The following NTM variants were observed in gnomAD, a reference collection of about 807,000 sequenced individuals.
NTM encodes the protein IgLON family member 2.
A neutral mutation model predicts 42.1 loss-of-function variants in NTM; 13 were observed. That is an observed-to-expected ratio of 0.31 (90% confidence interval 0.20 to 0.49). The LOEUF is 0.49. Ranked by LOEUF, NTM falls within the 20% of genes least tolerant of loss-of-function variation. NTM has a pLI of 0.99. For synonymous variants in NTM, 187 were observed against 179.2 expected, an observed-to-expected ratio of 1.04 and a Z score of -0.35; for missense variants, 373 against 452.8, an observed-to-expected ratio of 0.82 and a Z score of 1.60.
chr11:131,657,188 G>T (rs113817110), intron 1 of NTM, among the ~76,000 whole-genome samples: 474 of 152,114 alleles, frequency 3.1e-3, no homozygotes, highest in African/African-American at 0.011. Flanking sequence ...CAGGTGAGGG[G>T]ACCCTTGAGT....
In NTM at chr11:132,134,749, A is replaced by ATCTC. The variant is rs1289812194; in HGVS notation, c.168-11532_168-11531insCTCT. Among the ~76,000 whole-genome samples, 329 of 106,928 alleles carry ATCTC rather than the reference A, an allele frequency of 3.1e-3. 16 individuals carry two copies. Among genetic ancestry groups the ATCTC allele is most frequent in the African/African-American group, 0.011 (303 of 27,228 alleles). 70.1% of individuals were successfully genotyped at this position (106,928 alleles called of 152,430 possible). A position where few individuals can be genotyped will look rare whatever the true frequency, so the allele number is the denominator to read the frequency against. On this transcript the variant is annotated intron_variant, in intron 2 of 8. Coordinates refer to ENST00000683400, the MANE Select transcript of NTM (RefSeq NM_001352005.2). ...TATATATATATATATATATATATAT[A>ATCTC]TATATATATATCTCACATTTTCTTT...
intron 2 of NTM, among the ~76,000 whole-genome samples, chr11:132,064,659 G>A (rs1212044470): frequency 1.3e-5 from 2 of 152,122 alleles, no homozygotes; most frequent in Non-Finnish European, 2.9e-5. Flanking sequence ...ACACAGTGCA[G>A]GAAACAAACC....
intron 1 of NTM, among the ~76,000 whole-genome samples, chr11:131,603,153 C>T (rs1440215329): frequency 6.6e-6 from 1 of 152,080 alleles, no homozygotes; most frequent in Non-Finnish European, 1.5e-5. Context: ...GACCCTAAGC[C>T]CTGCACCTGT....
At chr11:131,888,555 T>C (rs1371352332) in intron 1 of NTM, among the ~76,000 whole-genome samples, 1 of 152,052 alleles carries the variant, frequency 6.6e-6, no homozygotes, top group Admixed American at 6.5e-5. Context: ...AGGTCTCTTG[T>C]GGTACCTGCC....
At chr11:131,567,156 G>T (rs1401838127) in intron 1 of NTM, among the ~76,000 whole-genome samples, 1 of 152,020 alleles carries the variant, frequency 6.6e-6, no homozygotes, top group Non-Finnish European at 1.5e-5. Context: ...GTGGGGGACT[G>T]GGGAAGAGAG....
At chr11:132,036,361 G>A (rs1355341233) in intron 2 of NTM, among the ~76,000 whole-genome samples, 1 of 152,064 alleles carries the variant, frequency 6.6e-6, no homozygotes, top group African/African-American at 2.4e-5. Context: ...GGGGAAATTG[G>A]GTGTAAGGAA....
chr11:132,086,693 G>T (rs931773243), intron 2 of NTM, among the ~76,000 whole-genome samples: 1 of 152,196 alleles, frequency 6.6e-6, no homozygotes, highest in Admixed American at 6.5e-5. Context: ...AAACTTTACA[G>T]TAAATATAAA....
intron 1 of NTM, among the ~76,000 whole-genome samples, chr11:131,790,440 A>G (rs1476520939): frequency 6.6e-6 from 1 of 152,208 alleles, no homozygotes; most frequent in Non-Finnish European, 1.5e-5. Flanking sequence ...GGGGAGATAA[A>G]GTGGTCTCTT....
At chr11:131,969,877 C>T (rs1047715374) in intron 2 of NTM, among the ~76,000 whole-genome samples, 1 of 152,156 alleles carries the variant, frequency 6.6e-6, no homozygotes, top group African/African-American at 2.4e-5. Context: ...AGTGCAGTGG[C>T]ACCATCGTGG....
chr11:132,205,443 ATTATC>A (rs1166803950), intron 3 of NTM, among the ~76,000 whole-genome samples: 2 of 152,214 alleles, frequency 1.3e-5, no homozygotes, highest in African/African-American at 2.4e-5. Context: ...TGTTTTAATA[ATTATC>A]TTATTTAATT....
intron 1 of NTM, among the ~76,000 whole-genome samples, chr11:131,615,205 G>T (rs1379413383): frequency 6.6e-6 from 1 of 152,180 alleles, no homozygotes; most frequent in Non-Finnish European, 1.5e-5. Context: ...ACATAACACA[G>T]TCTGGGACTA....
At chr11:131,788,675 G>A (rs961912406) in intron 1 of NTM, among the ~76,000 whole-genome samples, 1 of 152,108 alleles carries the variant, frequency 6.6e-6, no homozygotes, top group East Asian at 1.9e-4. Flanking sequence ...CTCATTAGAT[G>A]TAATATTTGG....
chr11:131,776,126 G>A (rs1263833674), intron 1 of NTM, among the ~76,000 whole-genome samples: 1 of 152,124 alleles, frequency 6.6e-6, no homozygotes, highest in Non-Finnish European at 1.5e-5. Flanking sequence ...AATCCTGTGT[G>A]GAAGCTCCAC....
intron 1 of NTM, among the ~76,000 whole-genome samples, chr11:131,637,674 C>G (rs1369189871): frequency 1.3e-5 from 2 of 151,848 alleles, no homozygotes; most frequent in Non-Finnish European, 2.9e-5. Context: ...CGTTCCTCAC[C>G]ACCAACCGTC....
At chr11:131,815,633 C>T (rs144322690) in intron 1 of NTM, among the ~76,000 whole-genome samples, 2 of 152,270 alleles carry the variant, frequency 1.3e-5, no homozygotes, top group South Asian at 2.1e-4. Flanking sequence ...CCACTTCCCC[C>T]CTCCTGCTGC....
intron 3 of NTM, among the ~76,000 whole-genome samples, chr11:132,207,907 A>G (rs2082228059): frequency 6.6e-6 from 1 of 152,180 alleles, no homozygotes; most frequent in Non-Finnish European, 1.5e-5. Context: ...GTCACCATAC[A>G]TTAGAATATT....
chr11:131,914,408 C>T (rs955778673), intron 2 of NTM, among the ~76,000 whole-genome samples: 2 of 152,054 alleles, frequency 1.3e-5, no homozygotes, highest in African/African-American at 2.4e-5. Flanking sequence ...CCTGGAGGGC[C>T]GCCATATCCA....
chr11:131,998,183 C>T (rs1385738564), intron 2 of NTM, among the ~76,000 whole-genome samples: 2 of 152,154 alleles, frequency 1.3e-5, no homozygotes, highest in Non-Finnish European at 2.9e-5. Context: ...TAAAAGCCTC[C>T]AATTGCACTG....
chr11:131,629,296 G>T (rs2063426638), intron 1 of NTM, among the ~76,000 whole-genome samples: 2 of 151,990 alleles, frequency 1.3e-5, no homozygotes, highest in South Asian at 4.2e-4. Context: ...TTTCAAACCA[G>T]GCTCTCTTAA....
Sources: allele counts gnomAD v4.1 joint callset (sites outside exome capture counted in the v4.1 genomes callset), GRCh38; gene constraint gnomAD v4.1.1; transcripts MANE v1.5; gene names NCBI Gene and HGNC (gene_info 2026-07-23, HGNC 2026-07-21).